Variants in CYTH1 observed in about 807,000 individuals in gnomAD.
CYTH1 encodes the protein cytohesin-1.
In CYTH1, 18 loss-of-function variants were observed where a neutral mutation model predicts 61.8. The observed-to-expected ratio is 0.29, with a 90% CI of 0.20 to 0.43. The LOEUF (loss-of-function observed/expected upper bound fraction) is 0.43, where lower values mean the gene tolerates loss of function less well. Ranked by LOEUF, CYTH1 falls within the 20% of genes least tolerant of loss-of-function variation. CYTH1 has a pLI of 1.00. For synonymous variants in CYTH1, 174 were observed against 184.3 expected, an observed-to-expected ratio of 0.94 and a Z score of 0.45; for missense variants, 336 against 510.5, an observed-to-expected ratio of 0.66 and a Z score of 3.29.
intron 1 of CYTH1, among the ~76,000 whole-genome samples, chr17:78,754,727 T>A (rs896181297): frequency 4.6e-5 from 7 of 151,308 alleles, no homozygotes; most frequent in East Asian, 3.9e-4. Context: ...GTCACTTTTT[T>A]AAGGTAAATC....
chr17:78,697,608 A>C (rs563264498), intron 9 of CYTH1, among the ~76,000 whole-genome samples: 1 of 151,772 alleles, frequency 6.6e-6, no homozygotes, highest in Admixed American at 6.5e-5. Flanking sequence ...GAGGGGAAAA[A>C]AAAAAGAAAA....
intron 1 of CYTH1, among the ~76,000 whole-genome samples, chr17:78,767,620 C>T (rs1294918337): frequency 1.3e-5 from 2 of 150,580 alleles, no homozygotes. Context: ...GATGAACAAA[C>T]GGATGGTTGG....
intron 1 of CYTH1, among the ~76,000 whole-genome samples, chr17:78,751,283 G>A (rs2093379187): frequency 6.6e-6 from 1 of 152,050 alleles, no homozygotes; most frequent in Admixed American, 6.6e-5. Flanking sequence ...CCAGCCAACT[G>A]TTGATTCATT....
chr17:78,767,424 G>A (rs1312956855), intron 1 of CYTH1, among the ~76,000 whole-genome samples: 1 of 152,096 alleles, frequency 6.6e-6, no homozygotes, highest in Non-Finnish European at 1.5e-5. Flanking sequence ...CACGTGAACC[G>A]CCCTACACTG....
chr17:78,752,001 G>T (rs2093382238), intron 1 of CYTH1, among the ~76,000 whole-genome samples: 2 of 152,188 alleles, frequency 1.3e-5, no homozygotes, highest in South Asian at 4.1e-4. Context: ...CTCCCAAAGT[G>T]CTGGGATAAC....
intron 1 of CYTH1, among the ~76,000 whole-genome samples, chr17:78,777,158 G>C (rs1388246435): frequency 6.7e-6 from 1 of 149,950 alleles, no homozygotes; most frequent in Non-Finnish European, 1.5e-5. Context: ...GGGCGCGGTG[G>C]CTCACGCCTG....
At position 78,702,033 on chromosome 17, in the gene CYTH1, C is replaced by T. The variant is rs547098361; in HGVS notation, c.356+89G>A. On this transcript the variant is annotated intron_variant, in intron 5 of 13. Transcript: ENST00000446868. Reference sequence around the variant, plus strand: ...CAGATGCTTTAAGGCAAAAACCCCTCCAAGAACTTCAGAGTATTTGGGAGT... The same window carrying T: ...CAGATGCTTTAAGGCAAAAACCCCTTCAAGAACTTCAGAGTATTTGGGAGT... 10 of 1,161,020 alleles carry T rather than the reference C, an allele frequency of 8.6e-6. 1 individual carries two copies. In the South Asian group the frequency reaches 1.3e-4, roughly 16 times the overall value. 71.9% of individuals were successfully genotyped at this position (1,161,020 alleles called of 1,614,324 possible). A position where few individuals can be genotyped will look rare whatever the true frequency, so the allele number is the denominator to read the frequency against.
chr17:78,750,830 G>A (rs995771485), intron 1 of CYTH1, among the ~76,000 whole-genome samples: 1 of 151,540 alleles, frequency 6.6e-6, no homozygotes, highest in African/African-American at 2.4e-5. Flanking sequence ...AATAGTCATT[G>A]CTAACACTGA....
intron 1 of CYTH1, among the ~76,000 whole-genome samples, chr17:78,766,456 CACA>C (rs2093449073): frequency 6.6e-6 from 1 of 152,136 alleles, no homozygotes; most frequent in African/African-American, 2.4e-5. Context: ...TTCTTGTTGC[CACA>C]ACATCAAACC....
chr17:78,752,767 C>T (rs1168112310), intron 1 of CYTH1, among the ~76,000 whole-genome samples: 16 of 152,134 alleles, frequency 1.1e-4, no homozygotes, highest in Admixed American at 1.0e-3. Flanking sequence ...AGTTTATAAT[C>T]TTAACCATGT....
chr17:78,757,599 C>T (rs530442588), intron 1 of CYTH1, among the ~76,000 whole-genome samples: 1 of 151,958 alleles, frequency 6.6e-6, no homozygotes, highest in Non-Finnish European at 1.5e-5. Flanking sequence ...CTGAGAGAGG[C>T]AGGAAAAAAT....
intron 1 of CYTH1, among the ~76,000 whole-genome samples, chr17:78,760,558 TATATATATATACACATAC>T (rs2093424234): frequency 4.8e-5 from 1 of 21,020 alleles, no homozygotes; most frequent in East Asian, 8.9e-4. Flanking sequence ...TATATATATG[TATATATATATACACATAC>T]ATATATATGT....
intron 1 of CYTH1, among the ~76,000 whole-genome samples, chr17:78,755,225 G>A (rs778573763): frequency 1.3e-5 from 2 of 152,034 alleles, no homozygotes; most frequent in African/African-American, 2.4e-5. Context: ...ACCCAGGCTG[G>A]AGTGCAATAG....
rs367759877 is a variant in CYTH1 at position 78,760,583 on chromosome 17, A to G, written c.22+21619T>C. 8.6e-5 allele frequency among the ~76,000 whole-genome samples: 2 copies of G among 23,334 alleles called. 1 individual carries two copies. The highest frequency in any genetic ancestry group is 2.6e-4 in the African/African-American group (2 of 7,692). 15.3% of individuals were successfully genotyped at this position (23,334 alleles called of 152,430 possible). A position where few individuals can be genotyped will look rare whatever the true frequency, so the allele number is the denominator to read the frequency against. Reference sequence around the variant, plus strand: ...TATATATATATACACATACATATATATGTATATATATGTATATATATAGTT... The same window carrying G: ...TATATATATATACACATACATATATGTGTATATATATGTATATATATAGTT... On this transcript the variant is annotated intron_variant, in intron 1 of 13. Coordinates refer to ENST00000446868, the MANE Select transcript of CYTH1 (RefSeq NM_004762.6).
rs201897530 is a variant in CYTH1 at position 78,736,666 on chromosome 17, G to A, written c.23-26934C>T. Reference sequence around the variant, plus strand: ...ATATACCCCAAGCCGCATCAGTCCCGGCCGGGGGCTGCGGCTTTGACTCAC... The same window carrying A: ...ATATACCCCAAGCCGCATCAGTCCCAGCCGGGGGCTGCGGCTTTGACTCAC... On this transcript the variant is annotated intron_variant, in intron 1 of 13. Transcript: ENST00000446868. 38 of 375,384 alleles carry A rather than the reference G, an allele frequency of 1.0e-4. 1 individual carries two copies. In the Middle Eastern group the frequency reaches 3.7e-3, roughly 37 times the overall value. 23.3% of individuals were successfully genotyped at this position (375,384 alleles called of 1,614,324 possible).
intron 1 of CYTH1, among the ~76,000 whole-genome samples, chr17:78,764,146 C>A (rs2093439380): frequency 6.6e-6 from 1 of 151,224 alleles, no homozygotes; most frequent in Non-Finnish European, 1.5e-5. Flanking sequence ...TCATTTTCTT[C>A]TTTTTATAAG....
intron 1 of CYTH1, among the ~76,000 whole-genome samples, chr17:78,746,229 T>C (rs1039224135): frequency 5.9e-5 from 9 of 152,320 alleles, no homozygotes; most frequent in African/African-American, 1.9e-4. Flanking sequence ...AAGTTTTAAA[T>C]AAGACGGTCA....
chr17:78,722,939 G>A (rs948452938), intron 1 of CYTH1, among the ~76,000 whole-genome samples: 6 of 152,066 alleles, frequency 3.9e-5, no homozygotes, highest in South Asian at 2.1e-4. Context: ...CAAACCTCAC[G>A]GAAGCTGGAC....
At chr17:78,681,094 A>G in intron 11 of CYTH1, 52 bp from the exon 12 acceptor site, 1 of 1,573,804 alleles carries the variant, frequency 6.4e-7, no homozygotes, top group East Asian at 2.2e-5. Flanking sequence ...AAGGACACAC[A>G]CTGTCAGATT....
Sources: gnomAD v4.1 joint callset for allele counts (sites outside exome capture counted in the v4.1 genomes callset) on GRCh38, gnomAD v4.1.1 for gene constraint, MANE v1.5 for transcripts, NCBI Gene and HGNC (gene_info 2026-07-23, HGNC 2026-07-21) for gene names.